The following SF3B1 variants were observed in gnomAD, a reference collection of about 807,000 sequenced individuals.
The protein encoded by SF3B1 is splicing factor 3b subunit 1, also known as pre-mRNA processing 10.
Under a neutral mutation model 153.8 loss-of-function variants are expected in SF3B1, and 12 were observed. That is an observed-to-expected ratio of 0.08 (90% CI 0.05 to 0.13). The LOEUF is 0.13. Ranked by LOEUF, SF3B1 falls within the 10% of genes least tolerant of loss-of-function variation. SF3B1 has a pLI of 1.00. For synonymous variants in SF3B1, 498 were observed against 525.2 expected, an observed-to-expected ratio of 0.95 and a Z score of 0.71; for missense variants, 513 against 1,606.1, an observed-to-expected ratio of 0.32 and a Z score of 11.63.
At chr2:197,392,566 G>A (rs1265907740) in intron 24 of SF3B1, 105 bp from the exon 25 acceptor site, 2 of 180,752 alleles carry the variant, frequency 1.1e-5, no homozygotes, top group Middle Eastern at 1.5e-3. Context: ...TTCCCTTGGG[G>A]AGTTGGGGGG....
At chr2:197,408,289 T>G in intron 8 of SF3B1, 80 bp downstream of exon 8, 1 of 1,396,180 alleles carries the variant, frequency 7.2e-7, no homozygotes, top group South Asian at 1.2e-5. Context: ...TTGACATTAA[T>G]AGTACACAGA....
chr2:197,420,367 C>T (rs1265875228), intron 4 of SF3B1, 61 bp downstream of exon 4: 11 of 1,303,962 alleles, frequency 8.4e-6, no homozygotes, highest in Non-Finnish European at 1.2e-5. Context: ...AATCAAAGGG[C>T]TAAAGACAAC....
At chr2:197,433,097 T>C (rs1045152166) in intron 1 of SF3B1, among the ~76,000 whole-genome samples, 4 of 152,198 alleles carry the variant, frequency 2.6e-5, no homozygotes, top group African/African-American at 9.7e-5. Context: ...AAAACAGTGA[T>C]GGACCATGAA....
intron 5 of SF3B1, among the ~76,000 whole-genome samples, chr2:197,417,569 C>T (rs1289527407): frequency 7.4e-6 from 1 of 135,946 alleles, no homozygotes; most frequent in African/African-American, 2.8e-5. Context: ...GAAACCCCAC[C>T]TCTACTAAAA....
rs752261041 is a variant in SF3B1 at position 197,391,183 on chromosome 2, G to C, written c.*1120C>G. 1 of 152,128 alleles carries C rather than the reference G, an allele frequency of 6.6e-6. No individual in the cohort carries two copies. Among genetic ancestry groups the C allele is most frequent in the Admixed American group, 6.5e-5 (1 of 15,270 alleles). The allele number at this position is 152,128 out of a possible 1,614,324, so 9.4% of individuals were successfully genotyped here. On this transcript the variant is annotated 3_prime_UTR_variant, in exon 25 of 25. Transcript: ENST00000335508. ...TAAGTGTAGTACTGCCTTAATGCTT[G>C]GTTCCTCTACCATTAAATGGCATTT...
chr2:197,417,049 G>A (rs2085158132), intron 5 of SF3B1, 138 bp from the exon 6 acceptor site: 10 of 821,846 alleles, frequency 1.2e-5, no homozygotes, highest in South Asian at 3.7e-5. Flanking sequence ...TCCTTTCTAC[G>A]CTCGCTGGTT....
chr2:197,421,963 G>C (rs552969742), intron 2 of SF3B1, among the ~76,000 whole-genome samples: 1 of 152,276 alleles, frequency 6.6e-6, no homozygotes, highest in South Asian at 2.1e-4. Flanking sequence ...CTGGGCAACA[G>C]AGCAAGACTT....
chr2:197,415,534 G>A (rs970111157), intron 6 of SF3B1, among the ~76,000 whole-genome samples: 4 of 152,052 alleles, frequency 2.6e-5, no homozygotes, highest in African/African-American at 4.8e-5. Context: ...GATTACAAGC[G>A]TGAGCCACCG....
chr2:197,427,402 C>T (rs2085351328), intron 1 of SF3B1, among the ~76,000 whole-genome samples: 1 of 152,214 alleles, frequency 6.6e-6, no homozygotes, highest in Non-Finnish European at 1.5e-5. Flanking sequence ...TTTACACATA[C>T]ACCATGTGAT....
At chr2:197,395,704 A>C (rs1489569713) in intron 23 of SF3B1, among the ~76,000 whole-genome samples, 1 of 152,224 alleles carries the variant, frequency 6.6e-6, no homozygotes, top group East Asian at 1.9e-4. Context: ...AAAAAGCTAA[A>C]AAGATCAGGT....
rs753437645 is a variant in SF3B1, at chr2:197,409,801, G to A, written c.873C>T (p.Asn291=). ...CTGTTTTGGGGGTTTCATCCCATCT[G>A]TTTTTACGAGCACTGGAAGTTGCGC... ...HGGATSSARK[N]RWDETPKTER... is the part of the protein sequence containing the mutation. The change falls in exon 7 of 25, where the codon AAC becomes AAT. Residue 291 remains asparagine, a synonymous_variant. Transcript: ENST00000335508. 1 of 1,613,950 alleles carries A rather than the reference G, an allele frequency of 6.2e-7. No homozygotes were observed. Among genetic ancestry groups the A allele is most frequent in the Admixed American group, 1.7e-5 (1 of 60,012 alleles).
intron 20 of SF3B1, among the ~76,000 whole-genome samples, chr2:197,399,839 C>T (rs576157567): frequency 6.6e-6 from 1 of 152,192 alleles, no homozygotes; most frequent in East Asian, 1.9e-4. Context: ...TCATGTAGGT[C>T]CTAAACTTAC....
intron 6 of SF3B1, among the ~76,000 whole-genome samples, chr2:197,413,967 G>A (rs559927616): frequency 3.3e-5 from 5 of 151,940 alleles, no homozygotes; most frequent in East Asian, 3.9e-4. Context: ...CCAACATGCC[G>A]GGCTAATTTT....
intron 12 of SF3B1, 83 bp from the exon 13 acceptor site, chr2:197,403,118 GAA>G: frequency 1.0e-6 from 1 of 993,028 alleles, no homozygotes; most frequent in Non-Finnish European, 1.5e-6. Context: ...ACATACATAA[GAA>G]ATTTAGAATT....
At chr2:197,418,620 T>C (rs1421127542) in intron 4 of SF3B1, 32 bp from the exon 5 acceptor site, 4 of 1,593,500 alleles carry the variant, frequency 2.5e-6, no homozygotes, top group Non-Finnish European at 3.4e-6. Context: ...GGAAAAAGAG[T>C]ACAATAAATA....
intron 23 of SF3B1, among the ~76,000 whole-genome samples, chr2:197,395,694 A>G (rs757354132): frequency 4.6e-5 from 7 of 152,252 alleles, no homozygotes; most frequent in Non-Finnish European, 7.3e-5. Context: ...TACCTGCAAC[A>G]AAAAGCTAAA....
chr2:197,407,605 T>TA (rs2085011570), intron 9 of SF3B1, among the ~76,000 whole-genome samples: 2 of 142,422 alleles, frequency 1.4e-5, no homozygotes, highest in African/African-American at 5.2e-5. Flanking sequence ...ACTCCATCTT[T>TA]TAAAAAAAAA....
rs2106015637 is a variant in SF3B1 at position 197,423,989 on chromosome 2, C to T, written c.29-15G>A. ...TGCTTCAATATCTATAAAAAGATAA[C>T]ACAGACTTTCTTAATTTCACTTTCC... On this transcript the variant is annotated splice_polypyrimidine_tract_variant and intron_variant, in intron 1 of 24. Transcript: ENST00000335508. The T allele has an allele frequency of 6.3e-7, 1 of 1,591,608 alleles. No individual in the cohort carries two copies. Among genetic ancestry groups the T allele is most frequent in the South Asian group, 1.2e-5 (1 of 86,148 alleles).
At position 197,390,373 on chromosome 2, in the gene SF3B1, T is replaced by C. The variant is rs1002070095; in HGVS notation, c.*1930A>G. ...TCAAATTTTGGCTTTGTAATCTATT[T>C]GTATTCAATTCTCAGTCATTACTGA... is the stretch of plus-strand genomic sequence containing the variant. On this transcript the variant is annotated 3_prime_UTR_variant, in exon 25 of 25. Transcript: ENST00000335508. 5.9e-5 allele frequency: 9 copies of C among 152,222 alleles called. No homozygotes were observed. Among genetic ancestry groups the C allele is most frequent in the African/African-American group, 2.2e-4 (9 of 41,456 alleles). 9.4% of individuals were successfully genotyped at this position (152,222 alleles called of 1,614,324 possible).
Sources: allele counts gnomAD v4.1 joint callset (sites outside exome capture counted in the v4.1 genomes callset), GRCh38; gene constraint gnomAD v4.1.1; transcripts MANE v1.5; gene names NCBI Gene and HGNC (gene_info 2026-07-23, HGNC 2026-07-21).